The following RETSAT variants were observed in gnomAD, a reference collection of about 807,000 sequenced individuals.
The protein encoded by RETSAT is all-trans-retinol 13,14-reductase.
A neutral mutation model predicts 61.6 loss-of-function variants in RETSAT; 35 were observed. The ratio of observed to expected loss-of-function variants is 0.57; its 90% CI spans 0.43 to 0.75. The LOEUF is 0.75. Ranked by LOEUF, RETSAT falls within the 30% of genes least tolerant of loss-of-function variation. The pLI, the probability that RETSAT is intolerant of heterozygous loss-of-function variation, is 0.00. For synonymous variants in RETSAT, 277 were observed against 310.4 expected, an observed-to-expected ratio of 0.89 and a Z score of 1.13; for missense variants, 670 against 759.5, an observed-to-expected ratio of 0.88 and a Z score of 1.38.
Position 85,350,089 on chromosome 2 carries a change from C to T in RETSAT, c.750G>A (p.Gly250=). ...GTACTGCCTGGAGCTCAGAGGAGGC[C>T]CCCAGCTGCTGCAGGACCTCAGCCA... ...QSLAEVLQQL[G]ASSELQAVLS... is the part of the protein sequence containing the mutation. Residue 250 remains glycine (G), a synonymous_variant, in exon 4 of 11, where the codon GGG becomes GGA. Transcript: ENST00000295802. The T allele has an allele frequency of 1.2e-6, 2 of 1,613,896 alleles. No individual in the cohort carries two copies. The highest frequency in any genetic ancestry group is 1.1e-5 in the South Asian group (1 of 91,072).
chr2:85,351,947 G>C (rs1447145596), intron 1 of RETSAT, 85 bp from the exon 2 acceptor site: 1 of 1,318,028 alleles, frequency 7.6e-7, no homozygotes, highest in Non-Finnish European at 1.0e-6. Flanking sequence ...GACTTCTCTA[G>C]CTTGTACAGT....
chr2:85,345,883 G>A, intron 6 of RETSAT, 92 bp downstream of exon 6: 1 of 1,530,600 alleles, frequency 6.5e-7, no homozygotes, highest in Non-Finnish European at 9.0e-7. Flanking sequence ...CGGCCAAGAA[G>A]AGGAGAAGCA....
rs1230740775 is a variant in RETSAT, at chr2:85,343,172, G to A, written c.*70C>T. On this transcript the variant is annotated 3_prime_UTR_variant, in exon 11 of 11. Transcript: ENST00000295802. The stretch of plus-strand genomic sequence containing the variant: ...TACGTGCAAGGAACTAATGCAGAAA[G>A]ACATTATGGGTAAGTCAAGGGAGAT... The A allele has an allele frequency of 1.5e-5, 24 of 1,581,952 alleles. No individual in the cohort carries two copies. The highest frequency in any genetic ancestry group is 2.0e-5 in the Non-Finnish European group (23 of 1,158,156).
At position 85,344,098 on chromosome 2, in the gene RETSAT, C is replaced by T. The variant is rs1365371850; in HGVS notation, c.1434G>A (p.Leu478=). ...YEWFEEWQAE[L]KGKRGSDYET... is the part of the protein sequence containing the mutation. ...CATAGTCACTGCCCCGCTTTCCCTT[C>T]AGCTCCGCCTGCCACTCCTCAAACC... is the stretch of plus-strand genomic sequence containing the variant. Residue 478 remains leucine (L), a synonymous_variant, in exon 9 of 11, where the codon CTG becomes CTA. Coordinates refer to ENST00000295802, the MANE Select transcript of RETSAT (RefSeq NM_017750.4). 4.3e-6 allele frequency: 7 copies of T among 1,614,108 alleles called. No homozygotes were observed. The East Asian group carries it at 6.7e-5, about 15-fold the overall frequency.
intron 2 of RETSAT, 79 bp from the exon 3 acceptor site, chr2:85,351,100 G>A (rs529814224): frequency 4.0e-5 from 62 of 1,561,346 alleles, no homozygotes; most frequent in Non-Finnish European, 5.0e-5. Context: ...AAGTGAGGTG[G>A]AAGAGTTTAT....
At position 85,344,292 on chromosome 2, in the gene RETSAT, A is replaced by G; in HGVS notation, c.1313T>C (p.Leu438Pro). 6.2e-7 allele frequency: 1 copy of G among 1,614,108 alleles called. No homozygotes were observed. Among genetic ancestry groups the G allele is most frequent in the African/African-American group, 1.3e-5 (1 of 75,022 alleles). ...REEAAEHIPL[L>P]FFAFPSAKDP... Reference sequence around the variant, plus strand: ...TTTGGCTGATGGGAAAGCGAAGAAGAGAAGAGGGATGTGTTCCGCAGCCTC... The same window carrying G: ...TTTGGCTGATGGGAAAGCGAAGAAGGGAAGAGGGATGTGTTCCGCAGCCTC... The change falls in exon 8 of 11, where the codon CTC (leucine) becomes CCC (proline). Residue 438 changes from leucine (L) to proline (P), a missense_variant. By Grantham distance (98) the Leu-to-Pro change is moderately conservative. Transcript: ENST00000295802.
At chr2:85,352,673 C>T (rs1683320223) in intron 1 of RETSAT, among the ~76,000 whole-genome samples, 1 of 152,224 alleles carries the variant, frequency 6.6e-6, no homozygotes, top group Non-Finnish European at 1.5e-5. Flanking sequence ...TGAGCCAACA[C>T]ACCAGCCCAC....
Position 85,344,157 on chromosome 2 carries a change from T to G in RETSAT, c.1375A>C (p.Thr459Pro), listed in dbSNP as rs752514588. The G allele has an allele frequency of 1.2e-6, 2 of 1,614,108 alleles. No individual in the cohort carries two copies. Among genetic ancestry groups the G allele is most frequent in the African/African-American group, 1.3e-5 (1 of 75,018 alleles). Residue 459 changes from threonine to proline, a missense_variant, in exon 9 of 11, where the codon ACC (threonine) becomes CCC (proline). By Grantham distance (38) the Thr-to-Pro change is conservative. Coordinates refer to ENST00000295802, the MANE Select transcript of RETSAT (RefSeq NM_017750.4). Reference sequence around the variant, plus strand: ...GCAGTGGGTATGAGCATGATCATGGTGGACCGGCCTGGGGATCAGAGCTGA... The same window carrying G: ...GCAGTGGGTATGAGCATGATCATGGGGGACCGGCCTGGGGATCAGAGCTGA... ...TWEDRFPGRS[T>P]MIMLIPTAYE...
rs1384917623 is a variant in RETSAT at position 85,342,919 on chromosome 2, C to T, written c.*323G>A. On this transcript the variant is annotated 3_prime_UTR_variant, in exon 11 of 11. Transcript: ENST00000295802. ...GGGTTCTATCCACAGATGGAATATT[C>T]GCTTTGATCACTGAGTTAGGAGGCA... The T allele has an allele frequency of 2.9e-5, 8 of 278,766 alleles. No individual in the cohort carries two copies. The highest frequency in any genetic ancestry group is 8.8e-5 in the Admixed American group (2 of 22,754). 17.3% of individuals were successfully genotyped at this position (278,766 alleles called of 1,614,324 possible).
intron 5 of RETSAT, among the ~76,000 whole-genome samples, chr2:85,346,760 A>AAATG (rs764666630): frequency 1.3e-4 from 20 of 152,300 alleles, no homozygotes; most frequent in East Asian, 3.9e-4. Flanking sequence ...TATCTAAAAA[A>AAATG]AATGAATGAA....
intron 8 of RETSAT, 34 bp from the exon 9 acceptor site, chr2:85,344,199 C>T: frequency 6.2e-7 from 1 of 1,614,074 alleles, no homozygotes; most frequent in Non-Finnish European, 8.5e-7. Context: ...TACTGCCCGG[C>T]CTCTCCCTCC....
rs1187271943 is a variant in RETSAT at position 85,350,992 on chromosome 2, C to A, written c.385G>T (p.Gly129Cys). The A allele has an allele frequency of 6.2e-7, 1 of 1,614,152 alleles. No homozygotes were observed. Among genetic ancestry groups the A allele is most frequent in the South Asian group, 1.1e-5 (1 of 91,086 alleles). Residue 129 changes from glycine to cysteine, a missense_variant, in exon 3 of 11, where the codon GGC becomes TGC. Gly to Cys is a radical substitution (Grantham distance 159). Transcript: ENST00000295802. ...TCCAAGATAAAACGGCCAATGCTGC[C>A]CTCTTCCATACGCCCAATGTAATGG... ...GIHYIGRMEE[G>C]SIGRFILDQI...
Position 85,350,839 on chromosome 2 carries a change from G to C in RETSAT, c.538C>G (p.Leu180Val). The change falls in exon 3 of 11, where the codon CTC becomes GTC. Residue 180 changes from leucine (L) to valine (V), a missense_variant. By Grantham distance (32) the Leu-to-Val change is conservative. Coordinates refer to ENST00000295802, the MANE Select transcript of RETSAT (RefSeq NM_017750.4). ...TCCTCCTGTGGAAACTTCTCCTTGA[G>C]GCCCTGAATGTAGGCTTTCTCTCCA... ...YSGEKAYIQG[L>V]KEKFPQEEAI... 6.8e-6 allele frequency: 11 copies of C among 1,614,158 alleles called. No homozygotes were observed. Among genetic ancestry groups the C allele is most frequent in the Non-Finnish European group, 9.3e-6 (11 of 1,180,006 alleles).
chr2:85,351,903 G>A (rs769536915), intron 1 of RETSAT, 41 bp from the exon 2 acceptor site: 3 of 1,587,700 alleles, frequency 1.9e-6, no homozygotes, highest in Non-Finnish European at 1.7e-6. Context: ...TCAGGCAGGG[G>A]CAGGGAAATA....
chr2:85,354,504 A>C lies in RETSAT; in HGVS notation c.4T>G (p.Trp2Gly). M[W>G]LPLVLLLAVL... is the part of the protein sequence containing the mutation. The stretch of plus-strand genomic sequence containing the variant: ...GCCAGGAGCAGCACCAGCGGAAGCC[A>C]CATCACGCCGGCGTCGGGTCGGGTA... Residue 2 changes from tryptophan (W) to glycine (G), a missense_variant, in exon 1 of 11, where the codon TGG (tryptophan) becomes GGG (glycine). Transcript: ENST00000295802. The C allele has an allele frequency of 6.2e-7, 1 of 1,608,000 alleles. No homozygotes were observed. The highest frequency in any genetic ancestry group is 8.5e-7 in the Non-Finnish European group (1 of 1,176,748).
intron 6 of RETSAT, chr2:85,345,609 G>A (rs955742343): frequency 3.2e-5 from 12 of 370,522 alleles, no homozygotes; most frequent in East Asian, 6.9e-5. Context: ...TTGGCTCGGC[G>A]GCTCTGCTCC....
chr2:85,353,505 G>A (rs963744877), intron 1 of RETSAT, among the ~76,000 whole-genome samples: 1 of 152,170 alleles, frequency 6.6e-6, no homozygotes, highest in Non-Finnish European at 1.5e-5. Flanking sequence ...ATCACAATCC[G>A]GTTTGAAAAG....
chr2:85,351,264 A>G (rs1416466301), intron 2 of RETSAT: 1 of 540,926 alleles, frequency 1.8e-6, no homozygotes, highest in African/African-American at 1.9e-5. Context: ...GGTGGCTCAC[A>G]CCCATAATCC....
At chr2:85,348,057 C>T (rs1683229936) in intron 5 of RETSAT, among the ~76,000 whole-genome samples, 1 of 152,168 alleles carries the variant, frequency 6.6e-6, no homozygotes, top group Non-Finnish European at 1.5e-5. Flanking sequence ...ATGGCCTATT[C>T]TGTTTAACAG....
Sources: gnomAD v4.1 joint callset for allele counts (sites outside exome capture counted in the v4.1 genomes callset) on GRCh38, gnomAD v4.1.1 for gene constraint, MANE v1.5 for transcripts, NCBI Gene and HGNC (gene_info 2026-07-23, HGNC 2026-07-21) for gene names.